Variants in WDR20 observed in about 807,000 individuals in gnomAD.
The protein encoded by WDR20 is WD repeat-containing protein 20.
WDR20 carries 3 observed loss-of-function variants against 38.7 expected under a neutral mutation model. The ratio of observed to expected loss-of-function variants is 0.08; its 90% CI spans 0.04 to 0.20. The LOEUF is 0.20. Ranked by LOEUF, WDR20 falls within the 10% of genes least tolerant of loss-of-function variation. The pLI is 1.00. For synonymous variants in WDR20, 298 were observed against 285.6 expected, an observed-to-expected ratio of 1.04 and a Z score of -0.44; for missense variants, 559 against 727.7, an observed-to-expected ratio of 0.77 and a Z score of 2.67.
At position 102,140,014 on chromosome 14, in the gene WDR20, G is replaced by A; in HGVS notation, c.91G>A (p.Glu31Lys). The change falls in exon 1 of 3, where the codon GAG becomes AAG. Residue 31 changes from glutamate (E) to lysine (K), a missense_variant. Physicochemically the swap from Glu to Lys is moderately conservative, Grantham distance 56 (BLOSUM62 1). Transcript: ENST00000342702. ...TCTGTACAAGCTGCTGCCGCACTCG[G>A]AGTACAGCCGGCCCAACCGGGTGCC... ...EGLYKLLPHSEYSRPNRVPFN... is the reference protein window; with the variant it reads ...EGLYKLLPHSKYSRPNRVPFN... The A allele has an allele frequency of 6.2e-7, 1 of 1,614,174 alleles. No homozygotes were observed. Among genetic ancestry groups the A allele is most frequent in the Non-Finnish European group, 8.5e-7 (1 of 1,180,004 alleles).
chr14:102,166,560 G>T (rs1359572579), intron 1 of WDR20, among the ~76,000 whole-genome samples: 1 of 152,044 alleles, frequency 6.6e-6, no homozygotes, highest in African/African-American at 2.4e-5. Flanking sequence ...ATATCTCATT[G>T]TGATTCTGGA....
chr14:102,176,691 C>A (rs1305504173), intron 1 of WDR20, among the ~76,000 whole-genome samples: 1 of 151,716 alleles, frequency 6.6e-6, no homozygotes, highest in Non-Finnish European at 1.5e-5. Flanking sequence ...TTAGGGAGGA[C>A]TCCCTCTTTC....
intron 1 of WDR20, among the ~76,000 whole-genome samples, chr14:102,184,978 T>C (rs1175510986): frequency 6.6e-6 from 1 of 152,162 alleles, no homozygotes; most frequent in African/African-American, 2.4e-5. Flanking sequence ...AAGTGTGGGC[T>C]GTACTAGTAT....
At chr14:102,210,906 C>T (rs945359417), downstream of WDR20, among the ~76,000 whole-genome samples, 1 of 152,164 alleles carries the variant, frequency 6.6e-6, no homozygotes, top group Admixed American at 6.5e-5. Flanking sequence ...TTTCCCCTCT[C>T]CTTGTTCTTG....
intron 1 of WDR20, among the ~76,000 whole-genome samples, chr14:102,169,628 A>G (rs1436615275): frequency 1.3e-5 from 2 of 152,112 alleles, no homozygotes; most frequent in African/African-American, 4.8e-5. Flanking sequence ...CCCGGGTTCA[A>G]GTGGTCCTCC....
intron 1 of WDR20, among the ~76,000 whole-genome samples, chr14:102,184,948 A>T (rs2064260626): frequency 6.6e-6 from 1 of 152,080 alleles, no homozygotes; most frequent in Non-Finnish European, 1.5e-5. Context: ...AGTGAAGGGG[A>T]TGGGTTTGGA....
downstream of WDR20, chr14:102,212,854 A>G (rs1299473511): frequency 2.4e-6 from 3 of 1,270,040 alleles, no homozygotes; most frequent in African/African-American, 4.5e-5. Context: ...ATTATGAGCA[A>G]GAATATCTTT....
chr14:102,197,976 A>T, intron 2 of WDR20: 1 of 557,668 alleles, frequency 1.8e-6, no homozygotes, highest in South Asian at 2.5e-5. Context: ...GACCCCTCTC[A>T]GGAGGGAAGA....
upstream of WDR20, chr14:102,139,484 G>T: frequency 2.1e-6 from 3 of 1,408,404 alleles, no homozygotes; most frequent in Admixed American, 2.6e-5. Context: ...CGCTCTTTGG[G>T]GTCCCGGCGC....
chr14:102,158,167 G>A (rs2057872382), intron 1 of WDR20, among the ~76,000 whole-genome samples: 4 of 152,142 alleles, frequency 2.6e-5, no homozygotes, highest in South Asian at 2.1e-4. Flanking sequence ...ACATCTGCAC[G>A]TGTGCCCTGC....
At chr14:102,154,822 T>C (rs1008125433) in intron 1 of WDR20, among the ~76,000 whole-genome samples, 3 of 152,376 alleles carry the variant, frequency 2.0e-5, no homozygotes, top group African/African-American at 4.8e-5. Flanking sequence ...ATAAAGCATT[T>C]ACATAGAGCA....
At chr14:102,162,298 C>T (rs1175542256) in intron 1 of WDR20, among the ~76,000 whole-genome samples, 4 of 152,132 alleles carry the variant, frequency 2.6e-5, no homozygotes, top group Non-Finnish European at 5.9e-5. Flanking sequence ...GTGGTTTAAA[C>T]CTGTCTTTCC....
chr14:102,214,493 CTGATGT>C, downstream of WDR20: 1 of 985,462 alleles, frequency 1.0e-6, no homozygotes, highest in Non-Finnish European at 1.2e-6. Context: ...GACTGTCTCA[CTGATGT>C]TGATTTCTTT....
chr14:102,183,816 G>A (rs1363888517), intron 1 of WDR20, among the ~76,000 whole-genome samples: 1 of 152,160 alleles, frequency 6.6e-6, no homozygotes, highest in East Asian at 1.9e-4. Flanking sequence ...AATATAATGA[G>A]CCCATGGATG....
Position 102,222,275 on chromosome 14 carries a change from A to G in WDR20, c.1693-555A>G, listed in dbSNP as rs1052001670. On this transcript the variant is annotated intron_variant, in intron 3 of 3. Coordinates refer to the WDR20 transcript ENST00000335263. This position sits in a 1 kb window ranked among gnomAD's most constrained non-coding sequence, Gnocchi z 4.4. ...CCTCGGCCTGGGCCCTGCTGTCTCT[A>G]CCTGTGGGGCCTACACATGTGGACA... Among the ~76,000 whole-genome samples the G allele has an allele frequency of 6.6e-6, 1 of 152,102 alleles. No individual in the cohort carries two copies. The highest frequency in any genetic ancestry group is 1.5e-5 in the Non-Finnish European group (1 of 68,006).
chr14:102,144,481 C>CA (rs760450854), intron 1 of WDR20, among the ~76,000 whole-genome samples: 4,201 of 73,158 alleles, frequency 0.057, 172 homozygotes, highest in African/African-American at 0.15. Context: ...GACTCTGTCT[C>CA]AAAAAAAAAA....
At chr14:102,155,937 ATT>A (rs372247826) in intron 1 of WDR20, among the ~76,000 whole-genome samples, 10 of 133,250 alleles carry the variant, frequency 7.5e-5, no homozygotes, top group Admixed American at 1.5e-4. Context: ...CTAATTTTTA[ATT>A]TTTTTTTTTT....
chr14:102,210,595 G>T (rs1260951087), downstream of WDR20: 2 of 974,612 alleles, frequency 2.1e-6, no homozygotes, highest in Non-Finnish European at 2.4e-6. Flanking sequence ...GAGCCTGACA[G>T]TTCGTGGGAA....
At chr14:102,169,497 A>C (rs905183931) in intron 1 of WDR20, among the ~76,000 whole-genome samples, 4 of 152,170 alleles carry the variant, frequency 2.6e-5, no homozygotes, top group Non-Finnish European at 5.9e-5. Flanking sequence ...TATAGAATTC[A>C]ATAAATATTG....
Sources: gnomAD v4.1 joint callset for allele counts (sites outside exome capture counted in the v4.1 genomes callset) on GRCh38, gnomAD v4.1.1 for gene constraint, Gnocchi (gnomAD v3.1) non-coding constraint, MANE v1.5 for transcripts, NCBI Gene and HGNC (gene_info 2026-07-23, HGNC 2026-07-21) for gene names.